Variants in BCL2L1 observed in about 807,000 individuals in gnomAD.
BCL2L1 encodes the protein bcl-2-like protein 1.
Under a neutral mutation model 18.7 loss-of-function variants are expected in BCL2L1, and 1 was observed. That is an observed-to-expected ratio of 0.05 (90% CI 0.02 to 0.25). The LOEUF is 0.25. BCL2L1 is among the 10% of genes least tolerant of loss of function. BCL2L1 has a pLI of 1.00. For missense variants in BCL2L1, 207 were observed against 304.9 expected (o/e 0.68, Z 2.39); for synonymous variants, 103 against 122.7 (o/e 0.84, Z 1.06).
chr20:31,671,312 G>C (rs2060665505), intron 2 of BCL2L1, among the ~76,000 whole-genome samples: 1 of 151,990 alleles, frequency 6.6e-6, no homozygotes, highest in South Asian at 2.1e-4. Context: ...AGATGCCCAG[G>C]CTAGTATCAC....
intron 2 of BCL2L1, among the ~76,000 whole-genome samples, chr20:31,708,621 C>A (rs542363661): frequency 1.4e-4 from 22 of 152,310 alleles, no homozygotes; most frequent in East Asian, 7.7e-4. Flanking sequence ...CCCCTCCCCC[C>A]AGCTGAGCCC....
intron 2 of BCL2L1, among the ~76,000 whole-genome samples, chr20:31,675,066 C>T (rs530105265): frequency 2.0e-5 from 3 of 152,174 alleles, no homozygotes; most frequent in South Asian, 2.1e-4. Context: ...AAGGATGTGA[C>T]GAAGACCAGG....
In BCL2L1 at chr20:31,721,802, G is replaced by A. The variant is rs751391960; in HGVS notation, c.417C>T (p.Arg139=). The change falls in exon 2 of 3, where the codon CGC becomes CGT. Residue 139 remains arginine, a synonymous_variant. Transcript: ENST00000307677. ...ELFRDGVNWG[R]IVAFFSFGGA... ...CGCCGAAGGAGAAAAAGGCCACAATGCGACCCCAGTTTACCCCATCCCGGA... is the reference window on the plus strand; with the variant it reads ...CGCCGAAGGAGAAAAAGGCCACAATACGACCCCAGTTTACCCCATCCCGGA... 7 of 1,614,042 alleles carry A rather than the reference G, an allele frequency of 4.3e-6. No homozygotes were observed. In the South Asian group the frequency reaches 6.6e-5, roughly 15 times the overall value.
At chr20:31,674,089 TTC>T (rs1296510216) in intron 2 of BCL2L1, among the ~76,000 whole-genome samples, 3 of 152,184 alleles carry the variant, frequency 2.0e-5, no homozygotes, top group Admixed American at 6.5e-5. Context: ...CCTCACACCA[TTC>T]TTTTTCTTTT....
chr20:31,714,954 C>T (rs1222283947), intron 2 of BCL2L1, among the ~76,000 whole-genome samples: 3 of 152,150 alleles, frequency 2.0e-5, no homozygotes, highest in Non-Finnish European at 4.4e-5. Context: ...CCAGCCTCTT[C>T]ACTGGGCTCC....
intron 2 of BCL2L1, among the ~76,000 whole-genome samples, chr20:31,683,769 CAAAAAAA>C (rs372160646): frequency 7.2e-3 from 578 of 79,786 alleles, no homozygotes; most frequent in Non-Finnish European, 9.5e-3. Flanking sequence ...AACTCCATCT[CAAAAAAA>C]AAAAAAAAAA....
chr20:31,667,148 CTAGAAA>C (rs1309199972), intron 2 of BCL2L1, among the ~76,000 whole-genome samples: 11 of 151,656 alleles, frequency 7.3e-5, no homozygotes, highest in Non-Finnish European at 4.4e-5. Context: ...CATCTGGCAC[CTAGAAA>C]TATGTAAGAA....
chr20:31,713,522 G>A, intron 2 of BCL2L1: 4 of 985,386 alleles, frequency 4.1e-6, no homozygotes, highest in Non-Finnish European at 4.8e-6. Context: ...AAAACCTCCA[G>A]TTCCGAGGGG....
upstream of BCL2L1, chr20:31,723,684 G>A: frequency 1.0e-6 from 1 of 985,486 alleles, no homozygotes; most frequent in Non-Finnish European, 1.2e-6. Context: ...GACGGCGAAG[G>A]CTCCTATTGG....
intron 2 of BCL2L1, among the ~76,000 whole-genome samples, chr20:31,683,977 C>T (rs2060912177): frequency 6.6e-6 from 1 of 152,108 alleles, no homozygotes; most frequent in South Asian, 2.1e-4. Context: ...ATAAAATACA[C>T]TGACTATTAA....
intron 2 of BCL2L1, among the ~76,000 whole-genome samples, chr20:31,682,674 T>C (rs1443905368): frequency 6.6e-6 from 1 of 152,120 alleles, no homozygotes; most frequent in Non-Finnish European, 1.5e-5. Flanking sequence ...AGTCTGGTCC[T>C]GAACTACTGA....
At chr20:31,692,593 G>A (rs964013205) in intron 2 of BCL2L1, among the ~76,000 whole-genome samples, 1 of 151,898 alleles carries the variant, frequency 6.6e-6, no homozygotes, top group Admixed American at 6.6e-5. Context: ...GGCCAATGTG[G>A]TGAAACCCCA....
chr20:31,701,125 C>T (rs1044602322), intron 2 of BCL2L1, among the ~76,000 whole-genome samples: 2 of 152,282 alleles, frequency 1.3e-5, no homozygotes, highest in African/African-American at 4.8e-5. Flanking sequence ...GTGATCTCAG[C>T]TCACTGCAAC....
At chr20:31,698,461 C>G (rs995488220) in intron 2 of BCL2L1, among the ~76,000 whole-genome samples, 1 of 152,060 alleles carries the variant, frequency 6.6e-6, no homozygotes, top group Non-Finnish European at 1.5e-5. Context: ...ATGTTGAATT[C>G]CTGGGCTCAA....
chr20:31,675,548 C>G lies in BCL2L1; in HGVS notation c.565-9462G>C, dbSNP rs1015231264. Among the ~76,000 whole-genome samples the G allele has an allele frequency of 7.9e-5, 12 of 152,160 alleles. No homozygotes were observed. The East Asian group carries it at 2.3e-3, about 29-fold the overall frequency. On this transcript the variant is annotated intron_variant, in intron 2 of 2. Transcript: ENST00000307677. The stretch of plus-strand genomic sequence containing the variant: ...TTGGAATCCACTTCCTCTGGTTTTC[C>G]CAGGGGAGCTGTTGGCTCCCGAGAT...
At chr20:31,722,406 C>T (rs1250890785) in intron 1 of BCL2L1, 58 bp from the exon 2 acceptor site, 2 of 445,000 alleles carry the variant, frequency 4.5e-6, no homozygotes, top group Non-Finnish European at 3.9e-6. Flanking sequence ...TTCCATTCCC[C>T]CTCCAGGTAC....
chr20:31,701,101 CG>C (rs1294626568), intron 2 of BCL2L1, among the ~76,000 whole-genome samples: 4 of 152,084 alleles, frequency 2.6e-5, no homozygotes, highest in African/African-American at 9.7e-5. Context: ...GTCGCCAGGC[CG>C]GAGTGCAGTG....
At chr20:31,698,523 A>G (rs571742136) in intron 2 of BCL2L1, among the ~76,000 whole-genome samples, 7 of 150,690 alleles carry the variant, frequency 4.6e-5, no homozygotes, top group African/African-American at 1.7e-4. Flanking sequence ...GGCATGAGCT[A>G]CTGGACCCAG....
intron 2 of BCL2L1, among the ~76,000 whole-genome samples, chr20:31,688,501 G>C (rs142869216): frequency 8.5e-4 from 128 of 149,804 alleles, no homozygotes; most frequent in African/African-American, 3.0e-3. Context: ...GAAAGAAAAA[G>C]AAAAAGAAAT....
Sources: gnomAD v4.1 joint callset for allele counts (sites outside exome capture counted in the v4.1 genomes callset) on GRCh38, gnomAD v4.1.1 for gene constraint, MANE v1.5 for transcripts, NCBI Gene and HGNC (gene_info 2026-07-23, HGNC 2026-07-21) for gene names.